The following ECE1 variants were observed in gnomAD, a reference collection of about 807,000 sequenced individuals.
ECE1 encodes the protein endothelin converting enzyme 1.
A neutral mutation model predicts 98.6 loss-of-function variants in ECE1; 35 were observed. The observed-to-expected ratio is 0.35, with a 90% CI of 0.27 to 0.47. The LOEUF (loss-of-function observed/expected upper bound fraction) is 0.47, where lower values mean the gene tolerates loss of function less well. ECE1 is among the 20% of genes least tolerant of loss of function. The pLI is 1.00. For missense variants in ECE1, 814 were observed against 1,025.3 expected (o/e 0.79, Z 2.81); for synonymous variants, 394 against 407.1 (o/e 0.97, Z 0.39).
chr1:21,276,318 G>A (rs1266734752), intron 3 of ECE1, among the ~76,000 whole-genome samples: 1 of 152,092 alleles, frequency 6.6e-6, no homozygotes, highest in East Asian at 1.9e-4. Flanking sequence ...GAGCCACTGC[G>A]CCCGGCCTCA....
At chr1:21,286,693 G>A (rs1569659404) in intron 2 of ECE1, among the ~76,000 whole-genome samples, 1 of 152,178 alleles carries the variant, frequency 6.6e-6, no homozygotes, top group Non-Finnish European at 1.5e-5. Flanking sequence ...GGGAGGCTGA[G>A]GCAGGAGGAT....
intron 11 of ECE1, 22 bp downstream of exon 11, chr1:21,238,112 T>G: frequency 6.2e-7 from 1 of 1,606,584 alleles, no homozygotes; most frequent in Non-Finnish European, 8.5e-7. Context: ...TCACAGCCTG[T>G]GTCCACGGGG....
Position 21,233,782 on chromosome 1 carries a change from G to GCCCCAA in ECE1, c.1567-122_1567-121insTTGGGG. On this transcript the variant is annotated intron_variant, in intron 13 of 18. Coordinates refer to ENST00000374893, the MANE Select transcript of ECE1 (RefSeq NM_001397.3). This position sits in a 1 kb window ranked among gnomAD's most constrained non-coding sequence, Gnocchi z 4.0. ...TCTGCAGGCTGGAGACCGGAATGCA[G>GCCCCAA]GGCTTGGGGCTGCAGGGTCAGCTCT... 2 of 888,506 alleles carry GCCCCAA rather than the reference G, an allele frequency of 2.3e-6. No homozygotes were observed. Among genetic ancestry groups the GCCCCAA allele is most frequent in the Non-Finnish European group, 3.6e-6 (2 of 557,118 alleles). 55.0% of individuals were successfully genotyped at this position (888,506 alleles called of 1,614,324 possible).
chr1:21,245,227 C>CG, intron 9 of ECE1, 124 bp from the exon 10 acceptor site: 2 of 799,464 alleles, frequency 2.5e-6, no homozygotes, highest in Admixed American at 4.1e-5. Context: ...TTCCAGCCTG[C>CG]GGGGGCTTGG....
chr1:21,243,825 T>G (rs2103256512), intron 10 of ECE1, among the ~76,000 whole-genome samples: 1 of 152,336 alleles, frequency 6.6e-6, no homozygotes. Flanking sequence ...TGCTCCCGCT[T>G]TGTCCTCTGC....
chr1:21,249,736 C>A (rs369742261), intron 8 of ECE1, among the ~76,000 whole-genome samples: 25 of 152,180 alleles, frequency 1.6e-4, no homozygotes, highest in East Asian at 9.7e-4. Flanking sequence ...TGCAGTGCTA[C>A]CATCACCACC....
At chr1:21,279,421 C>T in intron 2 of ECE1, 89 bp from the exon 3 acceptor site, 2 of 1,604,560 alleles carry the variant, frequency 1.2e-6, no homozygotes, top group Non-Finnish European at 1.7e-6. Flanking sequence ...CAGGCCCAGG[C>T]CCTGGAGAGG....
intron 10 of ECE1, among the ~76,000 whole-genome samples, chr1:21,238,899 C>T (rs1169643943): frequency 6.6e-6 from 1 of 152,004 alleles, no homozygotes; most frequent in East Asian, 1.9e-4. Context: ...ACTGCAGCCT[C>T]GACCTCCCAG....
At chr1:21,259,767 G>A (rs573751594) in intron 5 of ECE1, among the ~76,000 whole-genome samples, 25 of 152,286 alleles carry the variant, frequency 1.6e-4, no homozygotes, top group African/African-American at 5.8e-4. Flanking sequence ...GCCCAAGAAA[G>A]CAAGAAAGAT....
chr1:21,336,935 A>G (rs1319399095), intron 1 of ECE1, among the ~76,000 whole-genome samples: 3 of 151,810 alleles, frequency 2.0e-5, no homozygotes, highest in African/African-American at 7.3e-5. Context: ...GGAGGCTGAG[A>G]CAGGGGCAGG....
chr1:21,228,882 C>T (rs1469915290), intron 14 of ECE1, among the ~76,000 whole-genome samples: 3 of 149,262 alleles, frequency 2.0e-5, no homozygotes, highest in African/African-American at 4.9e-5. Context: ...ACTCTGTCAC[C>T]CAGGCTGGAG....
upstream of ECE1, among the ~76,000 whole-genome samples, chr1:21,295,156 A>T (rs1638317414): frequency 1.3e-5 from 2 of 152,208 alleles, no homozygotes; most frequent in Admixed American, 6.5e-5. Context: ...AATGAGGAGG[A>T]TGATGATAAC....
chr1:21,240,656 A>C (rs2098194922), intron 10 of ECE1, among the ~76,000 whole-genome samples: 1 of 152,150 alleles, frequency 6.6e-6, no homozygotes, highest in South Asian at 2.1e-4. Flanking sequence ...CTACGTGTCC[A>C]TTTGGATGCC....
chr1:21,297,790 G>A (rs1355751219), intron 1 of ECE1, among the ~76,000 whole-genome samples: 4 of 150,810 alleles, frequency 2.7e-5, no homozygotes, highest in Non-Finnish European at 5.9e-5. Context: ...ACCCACCTCC[G>A]CCTCCCAAAG....
At chr1:21,229,773 T>C (rs936824220) in intron 14 of ECE1, among the ~76,000 whole-genome samples, 14 of 152,180 alleles carry the variant, frequency 9.2e-5, no homozygotes, top group Non-Finnish European at 1.8e-4. Context: ...CAGTGAACCA[T>C]TGTTTTCCAA....
intron 4 of ECE1, among the ~76,000 whole-genome samples, chr1:21,270,221 C>CA (rs2098238698): frequency 6.6e-6 from 1 of 152,216 alleles, no homozygotes; most frequent in African/African-American, 2.4e-5. Context: ...CTGGGAGCCT[C>CA]AGTTGCTGCA....
At chr1:21,229,003 G>A (rs1187022251) in intron 14 of ECE1, among the ~76,000 whole-genome samples, 2 of 151,520 alleles carry the variant, frequency 1.3e-5, no homozygotes, top group Non-Finnish European at 2.9e-5. Context: ...CACCTTGCCC[G>A]GCTGATTTTT....
chr1:21,261,266 T>C (rs2098226490), intron 4 of ECE1, among the ~76,000 whole-genome samples: 1 of 152,132 alleles, frequency 6.6e-6, no homozygotes, highest in Non-Finnish European at 1.5e-5. Context: ...ATTCCCTCAT[T>C]TCATGTTCAT....
rs1232173691 is a variant in ECE1 at position 21,340,730 on chromosome 1, G to A, written c.3+4646C>T. Among the ~76,000 whole-genome samples the A allele has an allele frequency of 6.6e-6, 1 of 152,128 alleles. No homozygotes were observed. The highest frequency in any genetic ancestry group is 1.5e-5 in the Non-Finnish European group (1 of 68,012). Reference sequence around the variant, plus strand: ...GGCACGCCTGTAATCCCAGCTACTCGGGAGACTGAGGAGAATCACTTGAAC... The same window carrying A: ...GGCACGCCTGTAATCCCAGCTACTCAGGAGACTGAGGAGAATCACTTGAAC... On this transcript the variant is annotated intron_variant, in intron 1 of 18. Coordinates refer to the ECE1 transcript ENST00000415912. This position sits in a 1 kb window ranked among gnomAD's most constrained non-coding sequence, Gnocchi z 4.6.
Sources: gnomAD v4.1 joint callset for allele counts (sites outside exome capture counted in the v4.1 genomes callset) on GRCh38, gnomAD v4.1.1 for gene constraint, Gnocchi (gnomAD v3.1) non-coding constraint, MANE v1.5 for transcripts, NCBI Gene and HGNC (gene_info 2026-07-23, HGNC 2026-07-21) for gene names.